Variants in PLEKHM1 observed in about 807,000 individuals in gnomAD.
The protein encoded by PLEKHM1 is pleckstrin homology and RUN domain containing M1.
A neutral mutation model predicts 94.3 loss-of-function variants in PLEKHM1; 28 were observed. The observed-to-expected ratio is 0.30, with a 90% CI of 0.22 to 0.41. The LOEUF (loss-of-function observed/expected upper bound fraction) is 0.41. Among genes scored for constraint, PLEKHM1 ranks in the 10% least tolerant of loss-of-function variants. The probability of loss-of-function intolerance (pLI) is 1.00; values close to 1 mark genes in which losing one functional copy is unlikely to be tolerated. For synonymous variants in PLEKHM1, 424 were observed against 581.2 expected, an observed-to-expected ratio of 0.73 and a Z score of 3.89; for missense variants, 907 against 1,358.6, an observed-to-expected ratio of 0.67 and a Z score of 5.22.
chr17:45,454,543 C>T, intron 6 of PLEKHM1: 1 of 589,638 alleles, frequency 1.7e-6, no homozygotes. Flanking sequence ...TTCCCTACAC[C>T]CACGCCTTCC....
chr17:45,465,583 A>G (rs1053436643), intron 5 of PLEKHM1, among the ~76,000 whole-genome samples: 13 of 152,220 alleles, frequency 8.5e-5, no homozygotes, highest in Admixed American at 7.2e-4. Flanking sequence ...GGTGGTAGGC[A>G]TCTGTAATCC....
At chr17:45,467,564 C>T (rs541736771) in intron 5 of PLEKHM1, among the ~76,000 whole-genome samples, 2 of 152,278 alleles carry the variant, frequency 1.3e-5, no homozygotes, top group South Asian at 4.1e-4. Context: ...AGATCGAGAC[C>T]AGCCTGGCCA....
Position 45,468,436 on chromosome 17 carries a change from C to T in PLEKHM1, c.1081G>A (p.Ala361Thr). The change falls in exon 5 of 12, where the codon GCC (alanine) becomes ACC (threonine). Residue 361 changes from alanine to threonine, a missense_variant. By Grantham distance (58) the Ala-to-Thr change is moderately conservative (BLOSUM62 0). Around this residue, in one of 3 missense-constraint regions of PLEKHM1, gnomAD observed 477 missense variants for 601.5 expected, o/e 0.79. Coordinates refer to ENST00000430334, the MANE Select transcript of PLEKHM1 (RefSeq NM_014798.3). Reference sequence around the variant, plus strand: ...TCTTGAGTTCCAGAGGCTGCCTGGGCAGGAAGGGGCTCTGCAGGTGCCTCA... The same window carrying T: ...TCTTGAGTTCCAGAGGCTGCCTGGGTAGGAAGGGGCTCTGCAGGTGCCTCA... ...HCEAPAEPLP[A>T]QAASGTQDGV... 1.2e-6 allele frequency: 2 copies of T among 1,614,198 alleles called. No individual in the cohort carries two copies. The highest frequency in any genetic ancestry group is 8.5e-7 in the Non-Finnish European group (1 of 1,180,036).
Position 45,444,036 on chromosome 17 carries a change from C to A in PLEKHM1, c.2837+1434G>T, listed in dbSNP as rs1170978380. The stretch of plus-strand genomic sequence containing the variant: ...TCTCTGCCTAGGGGAGAGCCCCCTG[C>A]AGTACCCCTTGAGAGCCCCTGGGGA... On this transcript the variant is annotated intron_variant, in intron 9 of 11. Coordinates refer to ENST00000430334, the MANE Select transcript of PLEKHM1 (RefSeq NM_014798.3). This position sits in a 1 kb window ranked among gnomAD's most constrained non-coding sequence, Gnocchi z 5.0. Among the ~76,000 whole-genome samples, 2 of 152,138 alleles carry A rather than the reference C, an allele frequency of 1.3e-5. No homozygotes were observed. The highest frequency in any genetic ancestry group is 4.8e-5 in the African/African-American group (2 of 41,430).
At chr17:45,442,436 C>T (rs894069319) in intron 9 of PLEKHM1, among the ~76,000 whole-genome samples, 1 of 152,140 alleles carries the variant, frequency 6.6e-6, no homozygotes, top group Non-Finnish European at 1.5e-5. Context: ...GACAGAGTCT[C>T]ACTCTGTCTC....
chr17:45,440,653 T>A (rs949447550), intron 9 of PLEKHM1, among the ~76,000 whole-genome samples: 3 of 152,228 alleles, frequency 2.0e-5, no homozygotes, highest in African/African-American at 7.2e-5. Flanking sequence ...AGGCTGGTAC[T>A]ATCACAATCC....
intron 1 of PLEKHM1, among the ~76,000 whole-genome samples, chr17:45,488,722 T>A (rs1290653867): frequency 6.6e-6 from 1 of 152,100 alleles, no homozygotes; most frequent in Non-Finnish European, 1.5e-5. Context: ...GTGGATCACC[T>A]GAGGTCGGGA....
downstream of PLEKHM1, among the ~76,000 whole-genome samples, chr17:45,435,067 G>A (rs1452244582): frequency 6.6e-6 from 1 of 151,642 alleles, no homozygotes; most frequent in Non-Finnish European, 1.5e-5. Flanking sequence ...CGGCAGGGCA[G>A]CACCAGGTCA....
intron 4 of PLEKHM1, among the ~76,000 whole-genome samples, chr17:45,469,391 G>GC (rs1200852298): frequency 6.6e-6 from 1 of 152,170 alleles, no homozygotes; most frequent in Non-Finnish European, 1.5e-5. Flanking sequence ...ACAGAAACAT[G>GC]CCCTGGGCCC....
At chr17:45,441,644 G>A (rs1241716570) in intron 9 of PLEKHM1, among the ~76,000 whole-genome samples, 4 of 152,204 alleles carry the variant, frequency 2.6e-5, no homozygotes, top group Non-Finnish European at 5.9e-5. Context: ...CTCTCAGCAA[G>A]GACTTGGAAG....
chr17:45,483,125 C>T (rs2052007042), intron 1 of PLEKHM1, among the ~76,000 whole-genome samples: 4 of 151,878 alleles, frequency 2.6e-5, no homozygotes, highest in Admixed American at 2.6e-4. Context: ...CTGGCTTGAG[C>T]AGCACAGACA....
intron 4 of PLEKHM1, among the ~76,000 whole-genome samples, chr17:45,471,107 A>T (rs2051496488): frequency 1.3e-5 from 2 of 152,188 alleles, no homozygotes; most frequent in Non-Finnish European, 2.9e-5. Context: ...TAAAAAGACA[A>T]ATAACTAAAT....
intron 1 of PLEKHM1, among the ~76,000 whole-genome samples, chr17:45,486,585 T>A (rs4792866): frequency 0.48 from 72,917 of 150,902 alleles, 18,342 homozygotes; most frequent in South Asian, 0.62. Context: ...AAAAAAAAAA[T>A]TAATAATAAT....
chr17:45,448,287 A>C (rs1157446294), intron 8 of PLEKHM1, among the ~76,000 whole-genome samples: 2 of 152,248 alleles, frequency 1.3e-5, no homozygotes, highest in African/African-American at 4.8e-5. Flanking sequence ...TAACACTGAG[A>C]GCGAGGGCGG....
chr17:45,439,824 C>T, intron 10 of PLEKHM1, 190 bp from the exon 11 acceptor site: 2 of 788,144 alleles, frequency 2.5e-6, no homozygotes, highest in Non-Finnish European at 4.3e-6. Flanking sequence ...GCAATGCCAG[C>T]GTCCAGCCCG....
At chr17:45,466,725 T>C (rs952224512) in intron 5 of PLEKHM1, among the ~76,000 whole-genome samples, 5 of 152,088 alleles carry the variant, frequency 3.3e-5, no homozygotes, top group Non-Finnish European at 5.9e-5. Context: ...ATTAAAAAGA[T>C]TGGTAACACC....
At position 45,445,708 on chromosome 17, in the gene PLEKHM1, C is replaced by T; in HGVS notation, c.2644-45G>A. The T allele has an allele frequency of 6.5e-7, 1 of 1,527,074 alleles. No individual in the cohort carries two copies. The highest frequency in any genetic ancestry group is 2.2e-5 in the East Asian group (1 of 44,466). The allele number at this position is 1,527,074 out of a possible 1,614,324, so 94.6% of individuals were successfully genotyped here. A position where few individuals can be genotyped will look rare whatever the true frequency, so the allele number is the denominator to read the frequency against. The stretch of plus-strand genomic sequence containing the variant: ...TTGGGGATGGGAAGGAATGGCTGTT[C>T]AGTGAGCACTGCCTGGCCAGGTGCC... On this transcript the variant is annotated intron_variant, in intron 8 of 11. Coordinates refer to ENST00000430334, the MANE Select transcript of PLEKHM1 (RefSeq NM_014798.3). This position sits in a 1 kb window ranked among gnomAD's most constrained non-coding sequence, Gnocchi z 4.2.
intron 6 of PLEKHM1, 172 bp from the exon 7 acceptor site, chr17:45,454,444 TC>T: frequency 1.5e-6 from 1 of 675,202 alleles, no homozygotes; most frequent in Non-Finnish European, 2.7e-6. Context: ...GATGGGAACA[TC>T]CCCATTCTCA....
intron 4 of PLEKHM1, among the ~76,000 whole-genome samples, chr17:45,473,326 C>T (rs1293119886): frequency 5.3e-5 from 8 of 152,216 alleles, no homozygotes; most frequent in Admixed American, 3.3e-4. Context: ...CAGTGGCTCA[C>T]GCCTGTAATC....
Sources: allele counts gnomAD v4.1 joint callset (sites outside exome capture counted in the v4.1 genomes callset), GRCh38; gene constraint gnomAD v4.1.1; regional missense constraint gnomAD v4.1.1; non-coding constraint Gnocchi (gnomAD v3.1); transcripts MANE v1.5; gene names NCBI Gene and HGNC (gene_info 2026-07-23, HGNC 2026-07-21).